Variants in MRPL34 observed in about 807,000 individuals in gnomAD.
MRPL34 encodes the protein mitochondrial ribosomal protein L34, also known as large ribosomal subunit protein bL34m.
MRPL34 carries 8 observed loss-of-function variants against 6.7 expected under a neutral mutation model. That is an observed-to-expected ratio of 1.20 (90% CI 0.70 to 2.16). MRPL34 has a LOEUF of 2.16. Ranked by LOEUF, MRPL34 falls within the 30% of genes most tolerant of loss-of-function variation. MRPL34 has a pLI of 0.00. For missense variants in MRPL34, 146 were observed against 125.5 expected, an observed-to-expected ratio of 1.16 and a Z score of -0.78; for synonymous variants, 59 against 55.1, an observed-to-expected ratio of 1.07 and a Z score of -0.31.
intron 1 of MRPL34, among the ~76,000 whole-genome samples, chr19:17,297,536 C>T (rs905465015): frequency 9.2e-5 from 14 of 152,020 alleles, no homozygotes; most frequent in South Asian, 2.1e-4. Context: ...CCTTGTGATC[C>T]GCCTGCCTCG....
chr19:17,303,005 C>A (rs763512549), upstream of MRPL34: 1 of 152,176 alleles, frequency 6.6e-6, no homozygotes, highest in Non-Finnish European at 1.5e-5. Context: ...ATGCCCCCCA[C>A]CTCGAGTGGG....
At position 17,292,705 on chromosome 19, in the gene MRPL34, C is replaced by G. The variant is rs958033047; in HGVS notation, c.65C>G (p.Ala22Gly). 2 of 1,612,976 alleles carry G rather than the reference C, an allele frequency of 1.2e-6. No individual in the cohort carries two copies. Among genetic ancestry groups the G allele is most frequent in the Non-Finnish European group, 1.7e-6 (2 of 1,179,756 alleles). ...GGCGCCGGCAGTGGCTCCGGTAGAGCCTTGGGCGAGGGCTCGGGCTCCCAG... is the reference window on the plus strand; with the variant it reads ...GGCGCCGGCAGTGGCTCCGGTAGAGGCTTGGGCGAGGGCTCGGGCTCCCAG... The change falls in exon 1 of 3, where the codon GCC (alanine) becomes GGC (glycine). Residue 22 changes from alanine to glycine, a missense_variant. Physicochemically the swap from Ala to Gly is moderately conservative, Grantham distance 60 (BLOSUM62 0). Transcript: ENST00000595444.
intron 1 of MRPL34, among the ~76,000 whole-genome samples, chr19:17,293,380 A>C (rs2074079374): frequency 6.7e-6 from 1 of 148,788 alleles, no homozygotes. Flanking sequence ...TACAGGAGTG[A>C]GCCACCGCGC....
At chr19:17,301,656 C>T, upstream of MRPL34, 1 of 1,509,522 alleles carries the variant, frequency 6.6e-7, no homozygotes, top group South Asian at 1.3e-5. Flanking sequence ...AGTTCAGGTG[C>T]TGTCTCAATG....
upstream of MRPL34, chr19:17,298,125 A>C (rs955325678): frequency 6.6e-6 from 1 of 151,354 alleles, no homozygotes; most frequent in Admixed American, 6.6e-5. Context: ...TCACCGTGTT[A>C]GCCAGGATGG....
At chr19:17,294,582 T>C in intron 1 of MRPL34, 1 of 1,608,976 alleles carries the variant, frequency 6.2e-7, no homozygotes, top group Non-Finnish European at 8.5e-7. Flanking sequence ...CCAGCCCTAG[T>C]CCCAGCGGTA....
upstream of MRPL34, among the ~76,000 whole-genome samples, chr19:17,305,497 G>T (rs2074141353): frequency 6.6e-6 from 1 of 152,198 alleles, no homozygotes; most frequent in Non-Finnish European, 1.5e-5. Flanking sequence ...CCCAGCTCCC[G>T]CTGGGGGCGG....
chr19:17,301,773 T>C, upstream of MRPL34: 1 of 796,956 alleles, frequency 1.3e-6, no homozygotes, highest in Middle Eastern at 3.8e-4. Flanking sequence ...GAGATTTTTT[T>C]GTTTGTGTGT....
rs2288464 is a variant in MRPL34 at position 17,306,443 on chromosome 19, C to A, written c.*64C>A. The A allele has an allele frequency of 0.11, 150,191 of 1,428,848 alleles. 9,318 individuals carry two copies. The highest frequency in any genetic ancestry group is 0.26 in the African/African-American group (18,303 of 69,330). The allele number at this position is 1,428,848 out of a possible 1,614,324, so 88.5% of individuals were successfully genotyped here. A position where few individuals can be genotyped will look rare whatever the true frequency, so the allele number is the denominator to read the frequency against. ...CGCCCTCGCCTCGGACCTTGCCTGG[C>A]GCTATTTTTGCAGGGAGCTGGGGAG... On this transcript the variant is annotated 3_prime_UTR_variant, in exon 2 of 2. Coordinates refer to ENST00000252602, the MANE Select transcript of MRPL34 (RefSeq NM_023937.4).
rs2288465 is a variant in MRPL34, at chr19:17,306,154, C to G, written c.66-12C>G. 10 of 1,516,294 alleles carry G rather than the reference C, an allele frequency of 6.6e-6. No homozygotes were observed. In the East Asian group the frequency reaches 2.5e-4, roughly 37 times the overall value. The allele number at this position is 1,516,294 out of a possible 1,614,324, so 93.9% of individuals were successfully genotyped here. ...CCGTCTGACCTTTCTCGCCGTCCCTCTACCCACGCAGGTGGCTCCAGCCCC... is the reference window on the plus strand; with the variant it reads ...CCGTCTGACCTTTCTCGCCGTCCCTGTACCCACGCAGGTGGCTCCAGCCCC... On this transcript the variant is annotated splice_polypyrimidine_tract_variant and intron_variant, in intron 1 of 1. Coordinates refer to ENST00000252602, the MANE Select transcript of MRPL34 (RefSeq NM_023937.4).
upstream of MRPL34, chr19:17,298,458 A>G (rs2074102755): frequency 6.6e-6 from 1 of 152,176 alleles, no homozygotes; most frequent in African/African-American, 2.4e-5. Context: ...CCTAGAATTT[A>G]CAGGATTCCG....
At chr19:17,299,146 A>G (rs1047418917), upstream of MRPL34, among the ~76,000 whole-genome samples, 3 of 151,876 alleles carry the variant, frequency 2.0e-5, no homozygotes, top group African/African-American at 4.8e-5. Flanking sequence ...ATAGCGGCTC[A>G]TGCCTGTTAC....
At chr19:17,305,646 C>A, upstream of MRPL34, 1 of 563,178 alleles carries the variant, frequency 1.8e-6, no homozygotes, top group Non-Finnish European at 3.2e-6. Flanking sequence ...TGCGCACGCG[C>A]TTGCTCAGAA....
chr19:17,295,675 G>A (rs928665150), intron 1 of MRPL34, among the ~76,000 whole-genome samples: 7 of 151,196 alleles, frequency 4.6e-5, no homozygotes, highest in East Asian at 3.9e-4. Context: ...CCCAAAGTGC[G>A]GGGATTACAG....
intron 1 of MRPL34, among the ~76,000 whole-genome samples, chr19:17,295,886 T>TAGCTGAGCATGGTGGCACATGCC (rs2074091874): frequency 6.6e-6 from 1 of 152,102 alleles, no homozygotes; most frequent in Non-Finnish European, 1.5e-5. Context: ...TTTTAAAAAT[T>TAGCTGAGCATGGTGGCACATGCC]TTTTTATAAA....
In MRPL34 at chr19:17,306,198, C is replaced by T; in HGVS notation, c.98C>T (p.Pro33Leu). Residue 33 changes from proline (P) to leucine (L), a missense_variant, in exon 2 of 2, where the codon CCA becomes CTA. Pro to Leu is a moderately conservative substitution (Grantham distance 98). Coordinates refer to ENST00000252602, the MANE Select transcript of MRPL34 (RefSeq NM_023937.4). ...CAGCCCCGGGCCTGGCTGGGGTTCC[C>T]AGACGCCTGGGGCCTCCCCACCCCG... is the stretch of plus-strand genomic sequence containing the variant. ...WLQPRAWLGF[P>L]DAWGLPTPQQ... 1 of 1,547,346 alleles carries T rather than the reference C, an allele frequency of 6.5e-7. No homozygotes were observed. Among genetic ancestry groups the T allele is most frequent in the Non-Finnish European group, 8.7e-7 (1 of 1,147,438 alleles).
At chr19:17,295,886 T>A (rs188123627) in intron 1 of MRPL34, among the ~76,000 whole-genome samples, 94 of 152,220 alleles carry the variant, frequency 6.2e-4, no homozygotes, top group African/African-American at 2.1e-3. Context: ...TTTTAAAAAT[T>A]TTTTTATAAA....
chr19:17,294,877 T>C (rs1413941392), intron 1 of MRPL34: 1 of 1,604,858 alleles, frequency 6.2e-7, no homozygotes. Flanking sequence ...ATAGGAGGAT[T>C]GAAGGGAGGC....
At chr19:17,299,411 A>C (rs866346707), upstream of MRPL34, among the ~76,000 whole-genome samples, 3 of 151,982 alleles carry the variant, frequency 2.0e-5, no homozygotes, top group South Asian at 2.1e-4. Flanking sequence ...AAGACAAAAA[A>C]TTAGCCAGGC....
Sources: gnomAD v4.1 joint callset for allele counts (sites outside exome capture counted in the v4.1 genomes callset) on GRCh38, gnomAD v4.1.1 for gene constraint, MANE v1.5 for transcripts, NCBI Gene and HGNC (gene_info 2026-07-23, HGNC 2026-07-21) for gene names.